The following URI1 variants were observed in gnomAD, a reference collection of about 807,000 sequenced individuals.
URI1 encodes URI1 prefoldin like chaperone.
A neutral mutation model predicts 60.2 loss-of-function variants in URI1; 39 were observed. The ratio of observed to expected loss-of-function variants is 0.65; its 90% CI spans 0.50 to 0.85. The LOEUF is 0.85. Among genes scored for constraint, URI1 ranks in the 40% least tolerant of loss-of-function variants. URI1 has a pLI of 0.00. For missense variants in URI1, 691 were observed against 665.9 expected (o/e 1.04, Z -0.42); for synonymous variants, 251 against 236.8 (o/e 1.06, Z -0.55).
At chr19:29,993,103 C>T (rs1002038958) in intron 4 of URI1, among the ~76,000 whole-genome samples, 3 of 152,078 alleles carry the variant, frequency 2.0e-5, no homozygotes, top group African/African-American at 7.2e-5. Flanking sequence ...CTTAAAAATG[C>T]ATACTTAGTC....
At chr19:29,932,005 A>AT (rs537333993) in intron 1 of URI1, among the ~76,000 whole-genome samples, 110 of 151,764 alleles carry the variant, frequency 7.2e-4, no homozygotes, top group African/African-American at 2.5e-3. Context: ...ACCAAGAGAG[A>AT]TAATATTACT....
In URI1 at chr19:30,009,143, A is replaced by G. The variant is rs776534524; in HGVS notation, c.825A>G (p.Ser275=). The change falls in exon 8 of 11, where the codon TCA becomes TCG. Residue 275 remains serine (S), a synonymous_variant. Coordinates refer to ENST00000392271, the MANE Select transcript of URI1 (RefSeq NM_003796.3). Reference sequence around the variant, plus strand: ...CTTGTCATAAGGATGTTGCAAGTTCAGAACCATTCAGTGGTCAAGTGAATA... The same window carrying G: ...CTTGTCATAAGGATGTTGCAAGTTCGGAACCATTCAGTGGTCAAGTGAATA... The part of the protein sequence containing the change: ...HTPCHKDVAS[S]EPFSGQVNSQ... 1 of 1,614,030 alleles carries G rather than the reference A, an allele frequency of 6.2e-7. No homozygotes were observed. The highest frequency in any genetic ancestry group is 8.5e-7 in the Non-Finnish European group (1 of 1,179,990).
At chr19:29,933,516 G>A (rs2054940784) in intron 1 of URI1, among the ~76,000 whole-genome samples, 1 of 151,598 alleles carries the variant, frequency 6.6e-6, no homozygotes, top group Admixed American at 6.6e-5. Flanking sequence ...CAATTTTGTT[G>A]ATCTTTAAAA....
chr19:29,936,587 C>G (rs915830222), intron 1 of URI1, among the ~76,000 whole-genome samples: 2 of 152,110 alleles, frequency 1.3e-5, no homozygotes, highest in African/African-American at 4.8e-5. Context: ...GCTTCTTGGA[C>G]GTGTATGTTC....
In URI1 at chr19:29,942,285, C is replaced by G. The variant is rs557414557; in HGVS notation, c.-263C>G. The G allele has an allele frequency of 1.2e-5, 12 of 984,996 alleles. No homozygotes were observed. In the African/African-American group the frequency reaches 1.6e-4, roughly 13 times the overall value. The allele number at this position is 984,996 out of a possible 1,614,324, so 61.0% of individuals were successfully genotyped here. On this transcript the variant is annotated 5_prime_UTR_variant, in exon 1 of 11. Coordinates refer to ENST00000392271, the MANE Select transcript of URI1 (RefSeq NM_003796.3). Reference sequence around the variant, plus strand: ...ACGCGACGCCTGGCTGGGCCCGCACCGGAGAGGCGTCTCGGTACCTGGCAG... The same window carrying G: ...ACGCGACGCCTGGCTGGGCCCGCACGGGAGAGGCGTCTCGGTACCTGGCAG...
intron 8 of URI1, 54 bp downstream of exon 8, chr19:30,009,407 TATG>T (rs1488918621): frequency 1.0e-5 from 15 of 1,460,110 alleles, no homozygotes; most frequent in Middle Eastern, 3.6e-4. Flanking sequence ...CATTAAGCAT[TATG>T]ATATTTTTTA....
chr19:29,968,083 G>C (rs1488485776), intron 1 of URI1, among the ~76,000 whole-genome samples: 1 of 152,102 alleles, frequency 6.6e-6, no homozygotes, highest in Non-Finnish European at 1.5e-5. Context: ...CTTTACTGTG[G>C]ACTTACTGCT....
At position 29,942,612 on chromosome 19, in the gene URI1, T is replaced by A; in HGVS notation, c.65T>A (p.Leu22Gln). Residue 22 changes from leucine to glutamine, a missense_variant, in exon 1 of 11, where the codon CTG becomes CAG. Leu to Gln is a moderately radical substitution (Grantham distance 113). Transcript: ENST00000392271. ...PSPPSAPAPA[L>Q]VPLRAPDVAR... ...CCCCCTTCGGCCCCGGCCCCTGCCC[T>A]GGTTCCGTTGCGCGCCCCGGATGTG... is the stretch of plus-strand genomic sequence containing the variant. 1.6e-4 allele frequency: 206 copies of A among 1,325,926 alleles called. No individual in the cohort carries two copies. The highest frequency in any genetic ancestry group is 5.0e-4 in the East Asian group (13 of 26,046). 82.1% of individuals were successfully genotyped at this position (1,325,926 alleles called of 1,614,324 possible).
intron 1 of URI1, among the ~76,000 whole-genome samples, chr19:29,948,011 C>T (rs531578325): frequency 1.3e-5 from 2 of 152,260 alleles, no homozygotes; most frequent in South Asian, 4.1e-4. Context: ...ACCTAGTTGT[C>T]CCATCAGCAT....
At chr19:29,952,007 G>A (rs1190345414) in intron 1 of URI1, among the ~76,000 whole-genome samples, 1 of 152,186 alleles carries the variant, frequency 6.6e-6, no homozygotes, top group Admixed American at 6.5e-5. Flanking sequence ...CACAAGTAGT[G>A]CTGATTGCTG....
At chr19:29,924,561 G>A (rs113469772) in intron 1 of URI1, among the ~76,000 whole-genome samples, 1 of 152,186 alleles carries the variant, frequency 6.6e-6, no homozygotes, top group African/African-American at 2.4e-5. Flanking sequence ...AGAACAGAGG[G>A]GCCAGGCCCT....
chr19:29,945,085 C>G (rs560706271), intron 1 of URI1, among the ~76,000 whole-genome samples: 1 of 152,022 alleles, frequency 6.6e-6, no homozygotes, highest in South Asian at 2.1e-4. Context: ...CTTTTAAGCT[C>G]TTGGCCTTTC....
At chr19:30,009,489 G>A in intron 8 of URI1, 136 bp downstream of exon 8, 1 of 886,208 alleles carries the variant, frequency 1.1e-6, no homozygotes, top group South Asian at 1.9e-5. Context: ...TTTGCCTCTT[G>A]TTCTGACCAA....
rs541109182 is a variant in URI1, at chr19:29,984,205, C to T, written c.153-1018C>T. Among the ~76,000 whole-genome samples, 222 of 152,200 alleles carry T rather than the reference C, an allele frequency of 1.5e-3. 2 individuals carry two copies. The highest frequency in any genetic ancestry group is 5.2e-3 in the African/African-American group (217 of 41,532). On this transcript the variant is annotated intron_variant, in intron 2 of 10. Transcript: ENST00000392271. ...CTTTGGGAGGCTGCGGTGGGGGGAT[C>T]GCTTGAAGCCAGGAGTTCGAGACCA...
At chr19:29,944,192 T>A (rs1362317398) in intron 1 of URI1, among the ~76,000 whole-genome samples, 26 of 110,506 alleles carry the variant, frequency 2.4e-4, no homozygotes, top group Middle Eastern at 5.0e-3. Context: ...TATATATATA[T>A]AAAACTTAAC....
rs1197662715 is a variant in URI1, at chr19:30,005,573, G to A, written c.460-78G>A. ...AAAATGCTTTCAGACATCTTAGGTT[G>A]AATAGTTGCTCTTTGGATAATTTTA... On this transcript the variant is annotated intron_variant, in intron 5 of 10. Coordinates refer to ENST00000392271, the MANE Select transcript of URI1 (RefSeq NM_003796.3). 4 of 1,545,714 alleles carry A rather than the reference G, an allele frequency of 2.6e-6. No homozygotes were observed. The African/African-American group carries it at 4.2e-5, about 16-fold the overall frequency.
At chr19:29,940,799 GT>G (rs1291868088), upstream of URI1, among the ~76,000 whole-genome samples, 1 of 152,186 alleles carries the variant, frequency 6.6e-6, no homozygotes, top group Non-Finnish European at 1.5e-5. Flanking sequence ...GTGGTCGCGG[GT>G]TAAGCCCCTA....
chr19:30,014,623 T>TA (rs2056062397), intron 10 of URI1, among the ~76,000 whole-genome samples: 1 of 152,208 alleles, frequency 6.6e-6, no homozygotes, highest in African/African-American at 2.4e-5. Flanking sequence ...TTTATCCATT[T>TA]CTTTTTTTTC....
chr19:29,977,558 C>CTTT (rs749382980), intron 2 of URI1, among the ~76,000 whole-genome samples: 1 of 112,578 alleles, frequency 8.9e-6, no homozygotes. Flanking sequence ...GTTATTTTTT[C>CTTT]TTTTTTTTTT....
Sources: gnomAD v4.1 joint callset for allele counts (sites outside exome capture counted in the v4.1 genomes callset) on GRCh38, gnomAD v4.1.1 for gene constraint, MANE v1.5 for transcripts, NCBI Gene and HGNC (gene_info 2026-07-23, HGNC 2026-07-21) for gene names.